The following CTNND2 variants were observed in gnomAD, a reference collection of about 807,000 sequenced individuals.
The protein encoded by CTNND2 is catenin delta-2.
A neutral mutation model predicts 144.4 loss-of-function variants in CTNND2; 22 were observed. That is an observed-to-expected ratio of 0.15 (90% CI 0.11 to 0.22). The LOEUF is 0.22. Among genes scored for constraint, CTNND2 ranks in the 10% least tolerant of loss-of-function variants. CTNND2 has a pLI of 1.00. For synonymous variants in CTNND2, 751 were observed against 695.6 expected, an observed-to-expected ratio of 1.08 and a Z score of -1.25; for missense variants, 1,353 against 1,618.8, an observed-to-expected ratio of 0.84 and a Z score of 2.82.
chr5:11,692,580 A>C (rs1784957453), intron 2 of CTNND2, among the ~76,000 whole-genome samples: 1 of 152,134 alleles, frequency 6.6e-6, no homozygotes, highest in Admixed American at 6.6e-5. Flanking sequence ...CATTAGGTGG[A>C]ATTTGGAAAA....
intron 2 of CTNND2, among the ~76,000 whole-genome samples, chr5:11,573,625 G>C (rs569080034): frequency 1.3e-5 from 2 of 152,146 alleles, no homozygotes; most frequent in African/African-American, 4.8e-5. Context: ...TGGTGAGTCA[G>C]AAACTGTGGC....
At chr5:11,101,431 T>C (rs1751864874) in intron 14 of CTNND2, among the ~76,000 whole-genome samples, 1 of 152,208 alleles carries the variant, frequency 6.6e-6, no homozygotes, top group African/African-American at 2.4e-5. Context: ...ATGCAAACTT[T>C]TGAGGCTCGA....
rs576509018 is a variant in CTNND2, at chr5:11,302,295, C to T, written c.1628+44077G>A. Among the ~76,000 whole-genome samples, 111 of 152,152 alleles carry T rather than the reference C, an allele frequency of 7.3e-4. 1 individual carries two copies. The highest frequency in any genetic ancestry group is 2.5e-3 in the African/African-American group (103 of 41,500). On this transcript the variant is annotated intron_variant, in intron 9 of 21. Coordinates refer to ENST00000304623, the MANE Select transcript of CTNND2 (RefSeq NM_001332.4). ...GACAGCCACTCCCAATCAGGAAGACCGCGGGGACAGGGAGAGATCCAGGGA... is the reference window on the plus strand; with the variant it reads ...GACAGCCACTCCCAATCAGGAAGACTGCGGGGACAGGGAGAGATCCAGGGA...
chr5:11,298,916 G>T (rs1263098115), intron 9 of CTNND2, among the ~76,000 whole-genome samples: 1 of 152,126 alleles, frequency 6.6e-6, no homozygotes, highest in Non-Finnish European at 1.5e-5. Context: ...AAACACTTTA[G>T]AACAATGCGT....
In CTNND2 at chr5:11,558,341, CGTGTGTGTGTGTGTGTGTGTGT is replaced by C. The variant is rs59741742; in HGVS notation, c.287+6581_287+6602del. Among the ~76,000 whole-genome samples, 3 of 132,120 alleles carry C rather than the reference CGTGTGTGTGTGTGTGTGTGTGT, an allele frequency of 2.3e-5. No homozygotes were observed. The Admixed American group carries it at 2.3e-4, about 10-fold the overall frequency. 86.7% of individuals were successfully genotyped at this position (132,120 alleles called of 152,430 possible). ...GGTAATACTTTGGCTGTGAGAAACACGTGTGTGTGTGTGTGTGTGTGTGTGTGTGTGTGTGTGTGTGACACAC... is the reference window on the plus strand; with the variant it reads ...GGTAATACTTTGGCTGTGAGAAACACGTGTGTGTGTGTGTGTGTGACACAC... On this transcript the variant is annotated intron_variant, in intron 3 of 21. Coordinates refer to ENST00000304623, the MANE Select transcript of CTNND2 (RefSeq NM_001332.4).
chr5:11,662,610 T>C (rs1210456716), intron 2 of CTNND2, among the ~76,000 whole-genome samples: 4 of 152,110 alleles, frequency 2.6e-5, no homozygotes, highest in Non-Finnish European at 4.4e-5. Context: ...AATGTTAATC[T>C]CCTTCGGCAA....
At chr5:11,432,309 G>A (rs1322119774) in intron 3 of CTNND2, among the ~76,000 whole-genome samples, 2 of 151,336 alleles carry the variant, frequency 1.3e-5, no homozygotes, top group Non-Finnish European at 2.9e-5. Context: ...CAAATTGTAT[G>A]AAATTTACCA....
chr5:11,112,287 G>C (rs1475155366), intron 13 of CTNND2, among the ~76,000 whole-genome samples: 1 of 152,206 alleles, frequency 6.6e-6, no homozygotes, highest in Non-Finnish European at 1.5e-5. Context: ...GTCCTCACAA[G>C]GGGCCTGTAC....
intron 1 of CTNND2, among the ~76,000 whole-genome samples, chr5:11,866,765 A>G (rs1795788235): frequency 6.6e-6 from 1 of 152,212 alleles, no homozygotes; most frequent in South Asian, 2.1e-4. Context: ...ATGCAAAATA[A>G]CGCACAGGGA....
intron 1 of CTNND2, among the ~76,000 whole-genome samples, chr5:11,740,521 C>T (rs1378701657): frequency 6.6e-6 from 1 of 152,064 alleles, no homozygotes; most frequent in East Asian, 1.9e-4. Flanking sequence ...CTTCCTTACA[C>T]CTTATACAAA....
intron 3 of CTNND2, among the ~76,000 whole-genome samples, chr5:11,536,664 G>T (rs189688096): frequency 2.6e-5 from 4 of 152,040 alleles, no homozygotes; most frequent in South Asian, 2.1e-4. Flanking sequence ...TTGCAAGTTG[G>T]AGTTAAGCTA....
intron 15 of CTNND2, among the ~76,000 whole-genome samples, chr5:11,093,338 T>C (rs567371932): frequency 2.6e-5 from 4 of 152,014 alleles, no homozygotes; most frequent in South Asian, 2.1e-4. Context: ...CAAAGCACTA[T>C]ACCCAATTGT....
chr5:11,142,760 C>T (rs997249720), intron 12 of CTNND2, among the ~76,000 whole-genome samples: 15 of 151,834 alleles, frequency 9.9e-5, no homozygotes, highest in African/African-American at 1.5e-4. Flanking sequence ...ACTACAGGCG[C>T]GCGCCACCAT....
At chr5:11,512,987 G>C (rs1302940674) in intron 3 of CTNND2, among the ~76,000 whole-genome samples, 3 of 152,142 alleles carry the variant, frequency 2.0e-5, no homozygotes, top group Admixed American at 2.0e-4. Flanking sequence ...CATGAAACTT[G>C]CCCATACTCC....
chr5:11,589,479 T>A (rs960282704), intron 2 of CTNND2, among the ~76,000 whole-genome samples: 2 of 152,158 alleles, frequency 1.3e-5, no homozygotes, highest in Admixed American at 1.3e-4. Context: ...GTTCAACAAA[T>A]AAGTTTATTC....
chr5:11,428,953 C>A lies in CTNND2; in HGVS notation c.288-16884G>T, dbSNP rs934488178. On this transcript the variant is annotated intron_variant, in intron 3 of 21. Coordinates refer to ENST00000304623, the MANE Select transcript of CTNND2 (RefSeq NM_001332.4). ...ACTTTAAGAACATATCATGGCAAAT[C>A]CTTTTATGAAAACAATGAAACCTTA... Among the ~76,000 whole-genome samples, 34 of 152,160 alleles carry A rather than the reference C, an allele frequency of 2.2e-4. 1 individual carries two copies. Among genetic ancestry groups the A allele is most frequent in the Non-Finnish European group, 1.5e-5 (1 of 68,006 alleles).
chr5:11,152,997 C>T (rs1757881669), intron 12 of CTNND2, among the ~76,000 whole-genome samples: 1 of 152,180 alleles, frequency 6.6e-6, no homozygotes, highest in Admixed American at 6.5e-5. Context: ...GGTGCATTGG[C>T]TCATTCCTGT....
At chr5:11,571,037 T>C (rs1169484823) in intron 2 of CTNND2, among the ~76,000 whole-genome samples, 1 of 152,212 alleles carries the variant, frequency 6.6e-6, no homozygotes, top group Non-Finnish European at 1.5e-5. Flanking sequence ...ATGCTTTTAA[T>C]TTCTCGGAGC....
At chr5:11,440,563 A>G (rs777555664) in intron 3 of CTNND2, among the ~76,000 whole-genome samples, 1 of 152,240 alleles carries the variant, frequency 6.6e-6, no homozygotes, top group Non-Finnish European at 1.5e-5. Flanking sequence ...TCCCCAAATG[A>G]GAAATACTGG....
Sources: allele counts gnomAD v4.1 joint callset (sites outside exome capture counted in the v4.1 genomes callset), GRCh38; gene constraint gnomAD v4.1.1; transcripts MANE v1.5; gene names NCBI Gene and HGNC (gene_info 2026-07-23, HGNC 2026-07-21).